The following DCC variants were observed in gnomAD, a reference collection of about 807,000 sequenced individuals.
DCC encodes DCC netrin 1 receptor.
DCC carries 58 observed loss-of-function variants against 172.5 expected under a neutral mutation model. The observed-to-expected ratio is 0.34, with a 90% confidence interval of 0.27 to 0.42. The LOEUF (loss-of-function observed/expected upper bound fraction) is 0.42. Among genes scored for constraint, DCC ranks in the 10% least tolerant of loss-of-function variants. DCC has a pLI of 1.00. For synonymous variants in DCC, 709 were observed against 644.5 expected (o/e 1.10, Z -1.52); for missense variants, 1,740 against 1,791.0 (o/e 0.97, Z 0.51).
At chr18:53,238,380 A>T (rs2144631262) in intron 12 of DCC, among the ~76,000 whole-genome samples, 1 of 152,328 alleles carries the variant, frequency 6.6e-6, no homozygotes, top group Admixed American at 6.5e-5. Flanking sequence ...ATATGTTCAC[A>T]ATGAGACATT....
chr18:53,195,406 T>C (rs1270605792), intron 9 of DCC, among the ~76,000 whole-genome samples: 1 of 152,198 alleles, frequency 6.6e-6, no homozygotes, highest in African/African-American at 2.4e-5. Flanking sequence ...TTTTCTGAGA[T>C]TGGCAAAACA....
intron 1 of DCC, among the ~76,000 whole-genome samples, chr18:52,375,554 A>C (rs1396335562): frequency 6.6e-6 from 1 of 152,204 alleles, no homozygotes; most frequent in East Asian, 1.9e-4. Flanking sequence ...AGTGTTTAAC[A>C]CAGAAGTATC....
chr18:52,688,590 G>T (rs1402180698), intron 1 of DCC, among the ~76,000 whole-genome samples: 2 of 152,158 alleles, frequency 1.3e-5, no homozygotes, highest in African/African-American at 2.4e-5. Flanking sequence ...GGTAATAACA[G>T]TGCCCTATAT....
chr18:53,114,174 A>G (rs979505372), intron 7 of DCC, among the ~76,000 whole-genome samples: 1 of 151,530 alleles, frequency 6.6e-6, no homozygotes, highest in Non-Finnish European at 1.5e-5. Context: ...CCAAACAGTC[A>G]TTTATAATAC....
chr18:53,223,951 TATTGC>T lies in DCC; in HGVS notation c.1911+8355_1911+8359del, dbSNP rs1384545214. Reference sequence around the variant, plus strand: ...TAAGCAATGAAAGCAGAATTTCATTTATTGCTTTTAATAATCCTATAAGATATTAT... The same window carrying T: ...TAAGCAATGAAAGCAGAATTTCATTTTTTTAATAATCCTATAAGATATTAT... On this transcript the variant is annotated intron_variant, in intron 12 of 28. Coordinates refer to ENST00000442544, the MANE Select transcript of DCC (RefSeq NM_005215.4). 5.3e-5 allele frequency among the ~76,000 whole-genome samples: 8 copies of T among 152,304 alleles called. No homozygotes were observed. The East Asian group carries it at 1.5e-3, about 29-fold the overall frequency.
intron 5 of DCC, among the ~76,000 whole-genome samples, chr18:52,952,915 T>A (rs1352401337): frequency 4.2e-5 from 6 of 143,644 alleles, no homozygotes; most frequent in Non-Finnish European, 9.0e-5. Context: ...GGAGAATTGA[T>A]TGATCCCAGG....
intron 1 of DCC, among the ~76,000 whole-genome samples, chr18:52,571,656 T>C (rs1171108515): frequency 2.0e-5 from 3 of 152,148 alleles, no homozygotes; most frequent in African/African-American, 7.2e-5. Context: ...ACCTTACCTT[T>C]GTTGCCACAG....
At chr18:52,905,075 G>C (rs533677059) in intron 2 of DCC, among the ~76,000 whole-genome samples, 40 of 152,228 alleles carry the variant, frequency 2.6e-4, no homozygotes, top group African/African-American at 9.1e-4. Flanking sequence ...ACAACGTCAT[G>C]GCAGAGAAGC....
intron 1 of DCC, among the ~76,000 whole-genome samples, chr18:52,345,120 C>T (rs376176855): frequency 1.3e-5 from 2 of 152,296 alleles, no homozygotes; most frequent in African/African-American, 4.8e-5. Flanking sequence ...CCCAGCTATA[C>T]ATTTTTGAAG....
At chr18:52,777,736 A>T (rs1178957213) in intron 2 of DCC, among the ~76,000 whole-genome samples, 1 of 152,090 alleles carries the variant, frequency 6.6e-6, no homozygotes, top group Admixed American at 6.6e-5. Flanking sequence ...GTCCAGACTA[A>T]AGCAGAAGAG....
intron 1 of DCC, among the ~76,000 whole-genome samples, chr18:52,497,871 A>G (rs2030863716): frequency 6.6e-6 from 1 of 152,176 alleles, no homozygotes; most frequent in South Asian, 2.1e-4. Context: ...GGTGATCCCT[A>G]TGCACATGAA....
chr18:53,435,559 T>C (rs1568130953), intron 22 of DCC, among the ~76,000 whole-genome samples: 2 of 152,136 alleles, frequency 1.3e-5, no homozygotes, highest in South Asian at 4.1e-4. Flanking sequence ...AGGAATCTAA[T>C]TTTATTTGAG....
At chr18:53,311,471 G>C (rs1248558211) in intron 13 of DCC, among the ~76,000 whole-genome samples, 2 of 152,132 alleles carry the variant, frequency 1.3e-5, no homozygotes, top group Non-Finnish European at 2.9e-5. Context: ...AGGGTGGTAT[G>C]GCTAAGGTCC....
At chr18:53,442,039 T>C (rs1448211301) in intron 22 of DCC, among the ~76,000 whole-genome samples, 1 of 152,342 alleles carries the variant, frequency 6.6e-6, no homozygotes, top group African/African-American at 2.4e-5. Context: ...CTTCAGCCTG[T>C]TGCTTTCATA....
intron 1 of DCC, among the ~76,000 whole-genome samples, chr18:52,685,591 C>T (rs4939700): frequency 6.6e-6 from 1 of 151,874 alleles, no homozygotes; most frequent in South Asian, 2.1e-4. Context: ...GGTCCTGAGA[C>T]AGCAGGTTGT....
chr18:53,237,196 C>T (rs889014291), intron 12 of DCC: 21 of 153,846 alleles, frequency 1.4e-4, no homozygotes, highest in Non-Finnish European at 2.6e-4. Flanking sequence ...GAATCTAGCT[C>T]ATTAGATTGT....
chr18:53,324,501 G>T (rs932518452), intron 14 of DCC, among the ~76,000 whole-genome samples: 48 of 152,118 alleles, frequency 3.2e-4, no homozygotes, highest in Non-Finnish European at 4.1e-4. Context: ...AGAAACTACT[G>T]CTTTATATAA....
chr18:53,025,106 G>T (rs2041938037), intron 5 of DCC, among the ~76,000 whole-genome samples: 1 of 152,044 alleles, frequency 6.6e-6, no homozygotes, highest in Non-Finnish European at 1.5e-5. Flanking sequence ...TGACCCATGA[G>T]CTTGCCCTTA....
intron 1 of DCC, among the ~76,000 whole-genome samples, chr18:52,399,861 T>A (rs895686394): frequency 6.6e-6 from 1 of 152,018 alleles, no homozygotes; most frequent in Non-Finnish European, 1.5e-5. Flanking sequence ...AGACAGTATA[T>A]CTTGCTGATA....
Sources: gnomAD v4.1 joint callset for allele counts (sites outside exome capture counted in the v4.1 genomes callset) on GRCh38, gnomAD v4.1.1 for gene constraint, MANE v1.5 for transcripts, NCBI Gene and HGNC (gene_info 2026-07-23, HGNC 2026-07-21) for gene names.